PACRGL: variants seen among roughly 807,000 people sequenced by gnomAD.
The protein encoded by PACRGL is parkin coregulated like.
A neutral mutation model predicts 34.5 loss-of-function variants in PACRGL; 38 were observed. The observed-to-expected ratio is 1.10, with a 90% CI of 0.85 to 1.44. The LOEUF is 1.44. Among genes scored for constraint, PACRGL ranks in the 40% most tolerant of loss-of-function variants. PACRGL has a pLI of 0.00. For missense variants in PACRGL, 305 were observed against 281.4 expected, an observed-to-expected ratio of 1.08 and a Z score of -0.60; for synonymous variants, 128 against 100.1, an observed-to-expected ratio of 1.28 and a Z score of -1.66.
upstream of PACRGL, among the ~76,000 whole-genome samples, chr4:20,699,468 C>G (rs1412916483): frequency 6.6e-6 from 1 of 152,196 alleles, no homozygotes; most frequent in Non-Finnish European, 1.5e-5. Flanking sequence ...TGAATACCCA[C>G]TGCATTATGC....
rs563552763 is a variant in PACRGL at position 20,716,340 on chromosome 4, T to G, written c.609+2801T>G. 3.7e-4 allele frequency: 214 copies of G among 586,052 alleles called. 2 individuals carry two copies. The highest frequency in any genetic ancestry group is 8.7e-4 in the South Asian group (39 of 45,034). 36.3% of individuals were successfully genotyped at this position (586,052 alleles called of 1,614,324 possible). ...TGAAGTTATTCATGCAGTGTTTTTT[T>G]TTTGTTTGTTTGTTTGTTTTAATTA... On this transcript the variant is annotated intron_variant, in intron 7 of 8. Transcript: ENST00000503585.
In PACRGL at chr4:20,729,432, A is replaced by ATAAGTTTTATTAGGCATAT. The variant is rs1747211098; in HGVS notation, c.*2092_*2110dup. The ATAAGTTTTATTAGGCATAT allele has an allele frequency of 6.6e-6, 1 of 151,782 alleles. No homozygotes were observed. The highest frequency in any genetic ancestry group is 2.4e-5 in the African/African-American group (1 of 41,190). The allele number at this position is 151,782 out of a possible 1,614,324, so 9.4% of individuals were successfully genotyped here. On this transcript the variant is annotated 3_prime_UTR_variant, in exon 9 of 9. Transcript: ENST00000503585. Reference sequence around the variant, plus strand: ...TATGGAAAATTAAATGCTTATTAAAATAAGTTTTATTAGGCATATGCTGAT... The same window carrying ATAAGTTTTATTAGGCATAT: ...TATGGAAAATTAAATGCTTATTAAAATAAGTTTTATTAGGCATATTAAGTTTTATTAGGCATATGCTGAT...
downstream of PACRGL, among the ~76,000 whole-genome samples, chr4:20,735,294 A>G (rs1749313752): frequency 6.6e-6 from 1 of 152,162 alleles, no homozygotes; most frequent in South Asian, 2.1e-4. Flanking sequence ...TCTTCAGGCA[A>G]CTTAACATCC....
Position 20,704,845 on chromosome 4 carries a change from AT to A in PACRGL, c.207+37del, listed in dbSNP as rs781199776. On this transcript the variant is annotated intron_variant, in intron 3 of 8. Coordinates refer to ENST00000503585, the MANE Select transcript of PACRGL (RefSeq NM_001258345.3). ...TCCAAAACTATTCCTAACTCAGTAG[AT>A]TTTTTAAAGGCATTTCGCACAGTAT... 4.0e-5 allele frequency: 65 copies of A among 1,608,892 alleles called. No homozygotes were observed. In the African/African-American group the frequency reaches 6.3e-4, roughly 16 times the overall value.
the PACRGL span, among the ~76,000 whole-genome samples, chr4:20,760,112 G>A: frequency 1.3e-5 from 2 of 152,274 alleles, no homozygotes; most frequent in South Asian, 2.1e-4. Context: ...AACTAGTGTT[G>A]TTCAAGAGTC....
chr4:20,722,826 A>T (rs1271742490), intron 7 of PACRGL, among the ~76,000 whole-genome samples: 1 of 152,202 alleles, frequency 6.6e-6, no homozygotes, highest in Non-Finnish European at 1.5e-5. Flanking sequence ...GGGAAGTTCT[A>T]TACCGCATAC....
chr4:20,715,058 A>C (rs902619253), intron 7 of PACRGL, among the ~76,000 whole-genome samples: 1 of 152,234 alleles, frequency 6.6e-6, no homozygotes, highest in African/African-American at 2.4e-5. Context: ...GATTAAGAAA[A>C]TGTGGTACAT....
intron 3 of PACRGL, 84 bp from the exon 4 acceptor site, chr4:20,707,719 C>T (rs1560300327): frequency 9.2e-7 from 1 of 1,092,170 alleles, no homozygotes; most frequent in Non-Finnish European, 1.4e-6. Context: ...TCGATACCAG[C>T]TTGGCGGTTT....
intron 8 of PACRGL, among the ~76,000 whole-genome samples, chr4:20,742,798 T>C (rs1751459906): frequency 6.6e-6 from 1 of 152,126 alleles, no homozygotes; most frequent in African/African-American, 2.4e-5. Flanking sequence ...GATGACATGA[T>C]TGTATATTTA....
intron 7 of PACRGL, among the ~76,000 whole-genome samples, chr4:20,715,622 C>G (rs887387277): frequency 1.3e-5 from 2 of 152,000 alleles, no homozygotes; most frequent in African/African-American, 4.8e-5. Context: ...AATCCTAACA[C>G]TTTGGAGGCT....
chr4:20,756,870 C>G (rs565623953), downstream of PACRGL, among the ~76,000 whole-genome samples: 1 of 152,104 alleles, frequency 6.6e-6, no homozygotes, highest in Admixed American at 6.5e-5. Context: ...GACATGTGTT[C>G]TGGAGTTTCA....
At chr4:20,736,358 A>G (rs768168507), downstream of PACRGL, among the ~76,000 whole-genome samples, 2 of 151,976 alleles carry the variant, frequency 1.3e-5, no homozygotes, top group Non-Finnish European at 2.9e-5. Context: ...CATTATTTCT[A>G]GGTATTTTAA....
chr4:20,731,700 T>C lies in PACRGL; in HGVS notation c.*4359T>C, dbSNP rs1748271322. The C allele has an allele frequency of 4.1e-6, 4 of 985,188 alleles. No individual in the cohort carries two copies. Among genetic ancestry groups the C allele is most frequent in the Admixed American group, 6.2e-5 (1 of 16,250 alleles). 61.0% of individuals were successfully genotyped at this position (985,188 alleles called of 1,614,324 possible). A position where few individuals can be genotyped will look rare whatever the true frequency, so the allele number is the denominator to read the frequency against. On this transcript the variant is annotated 3_prime_UTR_variant, in exon 9 of 9. Transcript: ENST00000503585. The stretch of plus-strand genomic sequence containing the variant: ...GATGCTAAGTTTTGGCAAAGAGCAA[T>C]TCAAATCTCATGTATGTTTTATCCT...
At chr4:20,735,572 C>T (rs569912268), downstream of PACRGL, among the ~76,000 whole-genome samples, 3 of 141,864 alleles carry the variant, frequency 2.1e-5, no homozygotes, top group African/African-American at 8.0e-5. Context: ...CACTGTTGCC[C>T]AGGCTGGAGT....
chr4:20,697,962 G>C (rs940283671), upstream of PACRGL, among the ~76,000 whole-genome samples: 1 of 152,120 alleles, frequency 6.6e-6, no homozygotes, highest in Non-Finnish European at 1.5e-5. Context: ...TATGAATTTT[G>C]GAGGAACAGA....
intron 1 of PACRGL, 107 bp downstream of exon 1, chr4:20,700,894 C>T (rs1429372624): frequency 2.0e-5 from 3 of 152,138 alleles, no homozygotes; most frequent in African/African-American, 7.2e-5. Flanking sequence ...CTGGACTGGT[C>T]TTTAAGTATC....
chr4:20,725,438 C>T (rs560638255), intron 8 of PACRGL, among the ~76,000 whole-genome samples: 2 of 152,058 alleles, frequency 1.3e-5, no homozygotes, highest in African/African-American at 2.4e-5. Context: ...TTTCAAGGTA[C>T]AAAAATATGG....
chr4:20,754,837 T>G (rs1272936084), downstream of PACRGL, among the ~76,000 whole-genome samples: 3 of 152,252 alleles, frequency 2.0e-5, no homozygotes, highest in East Asian at 5.8e-4. Flanking sequence ...TATCCAAGTT[T>G]TAGTATGTAA....
In PACRGL at chr4:20,712,842, G is replaced by A. The variant is rs200118578; in HGVS notation, c.421G>A (p.Glu141Lys). The change falls in exon 6 of 9, where the codon GAA becomes AAA. Residue 141 changes from glutamate (E) to lysine (K), a missense_variant. By Grantham distance (56) the Glu-to-Lys change is moderately conservative. Transcript: ENST00000503585. ...TTTTGTGTCAAAGGAGGGTTTTAGA[G>A]AATTACTTTTGGTCAAAGGTGCTCC... ...YTFVSKEGFR[E>K]LLLVKGAPEK... is the part of the protein sequence containing the mutation. 266 of 1,603,614 alleles carry A rather than the reference G, an allele frequency of 1.7e-4. 1 individual carries two copies. The highest frequency in any genetic ancestry group is 2.1e-4 in the Non-Finnish European group (247 of 1,173,800).
Sources: allele counts gnomAD v4.1 joint callset (sites outside exome capture counted in the v4.1 genomes callset), GRCh38; gene constraint gnomAD v4.1.1; transcripts MANE v1.5; gene names NCBI Gene and HGNC (gene_info 2026-07-23, HGNC 2026-07-21).